The following SIPA1L2 variants were observed in gnomAD, a reference collection of about 807,000 sequenced individuals.
SIPA1L2 encodes signal-induced proliferation-associated 1-like protein 2.
SIPA1L2 carries 56 observed loss-of-function variants against 163.9 expected under a neutral mutation model. The ratio of observed to expected loss-of-function variants is 0.34; its 90% CI spans 0.28 to 0.43. SIPA1L2 has a LOEUF of 0.43. Ranked by LOEUF, SIPA1L2 falls within the 20% of genes least tolerant of loss-of-function variation. The pLI is 1.00. For synonymous variants in SIPA1L2, 877 were observed against 865.7 expected (o/e 1.01, Z -0.23); for missense variants, 1,974 against 2,193.5 (o/e 0.90, Z 2.00).
intron 5 of SIPA1L2, 58 bp from the exon 6 acceptor site, chr1:232,484,024 A>C (rs1384923522): frequency 4.0e-6 from 6 of 1,503,782 alleles, no homozygotes; most frequent in Non-Finnish European, 5.4e-6. Flanking sequence ...GCTAACTTCC[A>C]GTAAAATTAA....
At chr1:232,526,696 G>A (rs1355881640) in intron 2 of SIPA1L2, among the ~76,000 whole-genome samples, 2 of 152,156 alleles carry the variant, frequency 1.3e-5, no homozygotes, top group Non-Finnish European at 2.9e-5. Flanking sequence ...CACATGCCCT[G>A]CCCTGAGTTG....
intron 22 of SIPA1L2, among the ~76,000 whole-genome samples, chr1:232,401,990 G>A (rs1397049474): frequency 2.6e-5 from 4 of 152,214 alleles, no homozygotes; most frequent in African/African-American, 9.7e-5. Flanking sequence ...TCTAAGGGCT[G>A]TGAAGCTGAT....
intron 14 of SIPA1L2, among the ~76,000 whole-genome samples, chr1:232,440,967 C>T (rs1662858044): frequency 6.6e-6 from 1 of 152,220 alleles, no homozygotes; most frequent in Non-Finnish European, 1.5e-5. Flanking sequence ...CACCGATTAG[C>T]AGTTTCTGCT....
At chr1:232,521,617 AC>A (rs1268200621) in intron 2 of SIPA1L2, among the ~76,000 whole-genome samples, 1 of 152,062 alleles carries the variant, frequency 6.6e-6, no homozygotes, top group Non-Finnish European at 1.5e-5. Flanking sequence ...ATCATCACTA[AC>A]CTATATCCAT....
At chr1:232,567,067 C>T (rs1197733691) in intron 2 of SIPA1L2, among the ~76,000 whole-genome samples, 1 of 152,168 alleles carries the variant, frequency 6.6e-6, no homozygotes, top group Non-Finnish European at 1.5e-5. Flanking sequence ...TGGCCGTCTC[C>T]TTAAGTCACT....
chr1:232,437,137 T>C lies in SIPA1L2; in HGVS notation c.4031+1971A>G, dbSNP rs529961589. On this transcript the variant is annotated intron_variant, in intron 15 of 22. Coordinates refer to ENST00000674635, the MANE Select transcript of SIPA1L2 (RefSeq NM_020808.5). Reference sequence around the variant, plus strand: ...AATACCGGTAAAAAGCCCTACCAAATATCAATAAACGAATGTACTCTGAAG... The same window carrying C: ...AATACCGGTAAAAAGCCCTACCAAACATCAATAAACGAATGTACTCTGAAG... 5.3e-5 allele frequency among the ~76,000 whole-genome samples: 8 copies of C among 152,300 alleles called. No individual in the cohort carries two copies. The South Asian group carries it at 1.5e-3, about 28-fold the overall frequency.
At chr1:232,500,202 C>T (rs1666394150) in intron 3 of SIPA1L2, among the ~76,000 whole-genome samples, 2 of 152,230 alleles carry the variant, frequency 1.3e-5, no homozygotes, top group South Asian at 4.1e-4. Flanking sequence ...CATCTCATCA[C>T]CCAAGAGCTC....
intron 2 of SIPA1L2, among the ~76,000 whole-genome samples, chr1:232,530,101 C>T (rs1051268860): frequency 1.3e-5 from 2 of 151,978 alleles, no homozygotes; most frequent in African/African-American, 4.8e-5. Flanking sequence ...TCTCTAGGGG[C>T]AGGAAGCCTC....
At chr1:232,606,580 A>C (rs890856236) in intron 1 of SIPA1L2, among the ~76,000 whole-genome samples, 16 of 150,652 alleles carry the variant, frequency 1.1e-4, no homozygotes, top group Non-Finnish European at 2.2e-4. Flanking sequence ...AGGTATATAA[A>C]GCAAGTCATT....
intron 22 of SIPA1L2, among the ~76,000 whole-genome samples, 153 bp downstream of exon 22, chr1:232,402,239 G>A (rs1343298724): frequency 6.6e-6 from 1 of 152,220 alleles, no homozygotes; most frequent in Non-Finnish European, 1.5e-5. Flanking sequence ...GTCAGCAGAT[G>A]GAGTGAGACC....
At chr1:232,471,555 AAATAAGTTTTT>A in intron 7 of SIPA1L2, 27 bp from the exon 8 acceptor site, 5 of 1,566,318 alleles carry the variant, frequency 3.2e-6, no homozygotes, top group Non-Finnish European at 4.3e-6. Flanking sequence ...GAAGAGTTAC[AAATAAGTTTTT>A]CTTTAAAACA....
At chr1:232,594,874 T>C (rs1056441263) in intron 1 of SIPA1L2, among the ~76,000 whole-genome samples, 1 of 152,192 alleles carries the variant, frequency 6.6e-6, no homozygotes, top group Non-Finnish European at 1.5e-5. Context: ...CCACTGCGGC[T>C]ACACTGTACC....
chr1:232,517,886 G>GC (rs1553305191), intron 2 of SIPA1L2, among the ~76,000 whole-genome samples: 2 of 150,726 alleles, frequency 1.3e-5, no homozygotes, highest in African/African-American at 2.4e-5. Context: ...ACAAAAACCT[G>GC]TTTTTTTTTA....
rs1047092300 is a variant in SIPA1L2 at position 232,465,812 on chromosome 1, C to G, written c.2244-396G>C. ...ACCATTCGGGTGGGCCCTAATCCAA[C>G]TGACTGGTGTCCTTATAAGAGGAGA... On this transcript the variant is annotated intron_variant, in intron 8 of 22. Transcript: ENST00000674635. The surrounding 1 kb of genome is among the most constrained non-coding windows in gnomAD (Gnocchi z 4.1). 4.6e-5 allele frequency among the ~76,000 whole-genome samples: 7 copies of G among 151,842 alleles called. No homozygotes were observed. Among genetic ancestry groups the G allele is most frequent in the African/African-American group, 1.7e-4 (7 of 41,388 alleles).
chr1:232,616,684 T>C (rs114901407), intron 1 of SIPA1L2, among the ~76,000 whole-genome samples: 1,595 of 152,298 alleles, frequency 0.01, 21 homozygotes, highest in African/African-American at 0.034. Context: ...TTTTGTAGTG[T>C]CTCTTAGAGC....
intron 3 of SIPA1L2, among the ~76,000 whole-genome samples, chr1:232,501,522 G>C (rs1454952939): frequency 6.6e-6 from 1 of 152,098 alleles, no homozygotes. Context: ...TAGAAATATT[G>C]AGCCCAAATA....
chr1:232,558,735 A>C (rs957853278), intron 2 of SIPA1L2, among the ~76,000 whole-genome samples: 2 of 152,218 alleles, frequency 1.3e-5, no homozygotes, highest in Admixed American at 6.5e-5. Flanking sequence ...CATGATCCTA[A>C]ATCTTCGTTT....
intron 2 of SIPA1L2, among the ~76,000 whole-genome samples, chr1:232,516,310 G>A (rs977782467): frequency 4.6e-5 from 7 of 152,142 alleles, no homozygotes; most frequent in African/African-American, 1.7e-4. Flanking sequence ...TGAGATACTG[G>A]GTAAGAAGCT....
intron 2 of SIPA1L2, among the ~76,000 whole-genome samples, chr1:232,556,363 T>C (rs1254595789): frequency 6.6e-6 from 1 of 152,144 alleles, no homozygotes; most frequent in Non-Finnish European, 1.5e-5. Flanking sequence ...ATTATCTCAA[T>C]TACATTTTTA....
Sources: gnomAD v4.1 joint callset for allele counts (sites outside exome capture counted in the v4.1 genomes callset) on GRCh38, gnomAD v4.1.1 for gene constraint, Gnocchi (gnomAD v3.1) non-coding constraint, MANE v1.5 for transcripts, NCBI Gene and HGNC (gene_info 2026-07-23, HGNC 2026-07-21) for gene names.